ADAM10: variants seen among roughly 807,000 people sequenced by gnomAD.
The protein encoded by ADAM10 is ADAM metallopeptidase domain 10.
In ADAM10, 17 loss-of-function variants were observed where a neutral mutation model predicts 90.1. That is an observed-to-expected ratio of 0.19 (90% CI 0.13 to 0.28). The LOEUF (loss-of-function observed/expected upper bound fraction) is 0.28. ADAM10 is among the 10% of genes least tolerant of loss of function. ADAM10 has a pLI of 1.00. For missense variants in ADAM10, 610 were observed against 914.3 expected, an observed-to-expected ratio of 0.67 and a Z score of 4.29; for synonymous variants, 310 against 298.6, an observed-to-expected ratio of 1.04 and a Z score of -0.40.
chr15:58,702,080 T>C (rs557612078), intron 2 of ADAM10, among the ~76,000 whole-genome samples: 3 of 152,150 alleles, frequency 2.0e-5, no homozygotes, highest in East Asian at 1.9e-4. Flanking sequence ...CACTCCAGAC[T>C]GGGCAACAGA....
chr15:58,620,717 G>A lies in ADAM10; in HGVS notation c.1511+754C>T, dbSNP rs1204266732. Among the ~76,000 whole-genome samples, 19 of 38,348 alleles carry A rather than the reference G, an allele frequency of 5.0e-4. 4 individuals are homozygous for A. In the South Asian group the frequency reaches 8.7e-3, roughly 18 times the overall value. The allele number at this position is 38,348 out of a possible 152,430, so 25.2% of individuals were successfully genotyped here. ...CGCTCTGTCGCCCAGGCCGGACTGC[G>A]GACTGCAGTGGCGCAATCTCGGCTC... On this transcript the variant is annotated intron_variant, in intron 11 of 15. Coordinates refer to ENST00000260408, the MANE Select transcript of ADAM10 (RefSeq NM_001110.4).
At chr15:58,662,069 T>C (rs1896981336) in intron 5 of ADAM10, among the ~76,000 whole-genome samples, 3 of 152,316 alleles carry the variant, frequency 2.0e-5, no homozygotes, top group South Asian at 4.1e-4. Context: ...CTTTTCTCCT[T>C]ATTATGAATC....
rs564110861 is a variant in ADAM10, at chr15:58,598,614, G to A, written c.2153-973C>T. 2.6e-5 allele frequency among the ~76,000 whole-genome samples: 4 copies of A among 152,304 alleles called. No homozygotes were observed. The East Asian group carries it at 5.8e-4, about 22-fold the overall frequency. On this transcript the variant is annotated intron_variant, in intron 15 of 15. Coordinates refer to ENST00000260408, the MANE Select transcript of ADAM10 (RefSeq NM_001110.4). ...GACATCTTATGAGAAGTCTGAGAGC[G>A]GCAGGAGAGGGAACTGCTGTCATTT... is the stretch of plus-strand genomic sequence containing the variant.
chr15:58,600,596 T>G (rs1237535743), intron 14 of ADAM10, among the ~76,000 whole-genome samples: 1 of 152,172 alleles, frequency 6.6e-6, no homozygotes, highest in Non-Finnish European at 1.5e-5. Context: ...TCATCCCGTC[T>G]TAGAAGAAAC....
At chr15:58,623,046 T>G (rs2141010907) in intron 10 of ADAM10, among the ~76,000 whole-genome samples, 1 of 152,226 alleles carries the variant, frequency 6.6e-6, no homozygotes, top group African/African-American at 2.4e-5. Context: ...AGTTGCGAAT[T>G]GAATAAGTAG....
At chr15:58,683,111 A>T (rs1243045462) in intron 2 of ADAM10, among the ~76,000 whole-genome samples, 2 of 152,188 alleles carry the variant, frequency 1.3e-5, no homozygotes, top group Non-Finnish European at 2.9e-5. Context: ...TTTATAACGT[A>T]TATAAAGTCA....
intron 1 of ADAM10, among the ~76,000 whole-genome samples, chr15:58,737,601 G>A (rs1899473150): frequency 6.6e-6 from 1 of 152,140 alleles, no homozygotes; most frequent in Admixed American, 6.5e-5. Context: ...GAGATGCTGT[G>A]AAGACCAAGT....
rs71116584 is a variant in ADAM10 at position 58,655,652 on chromosome 15, GCATACATACATACATA to G, written c.585+9429_585+9444del. 2.5e-4 allele frequency among the ~76,000 whole-genome samples: 23 copies of G among 91,134 alleles called. 2 individuals carry two copies. The highest frequency in any genetic ancestry group is 1.0e-3 in the South Asian group (3 of 2,944). 59.8% of individuals were successfully genotyped at this position (91,134 alleles called of 152,430 possible). A position where few individuals can be genotyped will look rare whatever the true frequency, so the allele number is the denominator to read the frequency against. On this transcript the variant is annotated intron_variant, in intron 5 of 15. Coordinates refer to ENST00000260408, the MANE Select transcript of ADAM10 (RefSeq NM_001110.4). The stretch of plus-strand genomic sequence containing the variant: ...ATCCTCTTGCTGAACTGATCCCTTT[GCATACATACATACATA>G]CATACATACATATATATATTATATA...
chr15:58,704,738 T>G (rs1898231268), intron 2 of ADAM10, among the ~76,000 whole-genome samples: 1 of 152,192 alleles, frequency 6.6e-6, no homozygotes, highest in Admixed American at 6.5e-5. Context: ...CTTGCAGTTT[T>G]CAGAGCACTT....
intron 2 of ADAM10, among the ~76,000 whole-genome samples, chr15:58,707,025 GAAAAGAAAAGATAAAAAGA>G (rs1465527528): frequency 7.6e-6 from 1 of 132,008 alleles, no homozygotes; most frequent in African/African-American, 2.8e-5. Flanking sequence ...AAAAAAAAAA[GAAAAGAAAAGATAAAAAGA>G]AAAAGAAAAG....
At chr15:58,689,553 AAAAC>A (rs1897716360) in intron 2 of ADAM10, among the ~76,000 whole-genome samples, 1 of 152,192 alleles carries the variant, frequency 6.6e-6, no homozygotes, top group Non-Finnish European at 1.5e-5. Flanking sequence ...TGCTGAAAGA[AAAAC>A]AATGTCAATC....
At chr15:58,713,491 GGAGTA>G (rs1319931095) in intron 2 of ADAM10, among the ~76,000 whole-genome samples, 2 of 152,240 alleles carry the variant, frequency 1.3e-5, no homozygotes, top group Non-Finnish European at 2.9e-5. Flanking sequence ...AAGTTCACAA[GGAGTA>G]GAGGACATAT....
Position 58,595,959 on chromosome 15 carries a change from G to GT in ADAM10, c.*1587dup, listed in dbSNP as rs1894939521. The GT allele has an allele frequency of 6.6e-6, 1 of 152,014 alleles. No individual in the cohort carries two copies. Among genetic ancestry groups the GT allele is most frequent in the Non-Finnish European group, 1.5e-5 (1 of 67,966 alleles). 9.4% of individuals were successfully genotyped at this position (152,014 alleles called of 1,614,324 possible). A position where few individuals can be genotyped will look rare whatever the true frequency, so the allele number is the denominator to read the frequency against. ...GTCTCTAAATCATGTACAAAAAGCT[G>GT]TATTTTGAAAAAGTCACCACATACT... is the stretch of plus-strand genomic sequence containing the variant. On this transcript the variant is annotated 3_prime_UTR_variant, in exon 16 of 16. Coordinates refer to ENST00000260408, the MANE Select transcript of ADAM10 (RefSeq NM_001110.4).
chr15:58,672,893 TGAGGAA>T (rs1395876575), intron 4 of ADAM10: 1 of 164,036 alleles, frequency 6.1e-6, no homozygotes. Flanking sequence ...ATGAAGAGGA[TGAGGAA>T]GAGAAGAAAG....
intron 1 of ADAM10, among the ~76,000 whole-genome samples, chr15:58,724,521 G>A (rs557184912): frequency 6.6e-6 from 1 of 152,286 alleles, no homozygotes; most frequent in African/African-American, 2.4e-5. Context: ...CAGTCTCCAG[G>A]CCAAATGACA....
In ADAM10 at chr15:58,747,154, A is replaced by G. The variant is rs347123; in HGVS notation, c.55+2326T>C. Among the ~76,000 whole-genome samples the G allele has an allele frequency of 5.6e-3, 847 of 152,334 alleles. 8 individuals are homozygous for G. The highest frequency in any genetic ancestry group is 0.018 in the African/African-American group (729 of 41,574). ...TTTTGTGCTCTCAAACACACCAGTT[A>G]AATTTTAAAAATAAAATAAAAAAAC... On this transcript the variant is annotated intron_variant, in intron 1 of 15. Transcript: ENST00000260408.
chr15:58,634,079 G>C (rs1247443397), intron 8 of ADAM10, among the ~76,000 whole-genome samples: 1 of 152,062 alleles, frequency 6.6e-6, no homozygotes, highest in African/African-American at 2.4e-5. Flanking sequence ...GGGAGGCCGA[G>C]GCAGGCAGAT....
rs1894949977 is a variant in ADAM10, at chr15:58,596,356, G to C, written c.*1191C>G. ...TTACATCTGTTTCAAAAATAAATTTGGAATGGGACATTGTGCTGTTTCACC... is the reference window on the plus strand; with the variant it reads ...TTACATCTGTTTCAAAAATAAATTTCGAATGGGACATTGTGCTGTTTCACC... On this transcript the variant is annotated 3_prime_UTR_variant, in exon 16 of 16. Coordinates refer to ENST00000260408, the MANE Select transcript of ADAM10 (RefSeq NM_001110.4). The C allele has an allele frequency of 6.6e-6, 1 of 152,402 alleles. No individual in the cohort carries two copies. Among genetic ancestry groups the C allele is most frequent in the Non-Finnish European group, 1.5e-5 (1 of 67,972 alleles). The allele number at this position is 152,402 out of a possible 1,614,324, so 9.4% of individuals were successfully genotyped here. A position where few individuals can be genotyped will look rare whatever the true frequency, so the allele number is the denominator to read the frequency against.
intron 1 of ADAM10, among the ~76,000 whole-genome samples, chr15:58,728,161 G>C (rs1899103678): frequency 6.6e-6 from 1 of 152,132 alleles, no homozygotes; most frequent in Admixed American, 6.5e-5. Flanking sequence ...GACTACAGGA[G>C]AATTAAGCCA....
Sources: gnomAD v4.1 joint callset for allele counts (sites outside exome capture counted in the v4.1 genomes callset) on GRCh38, gnomAD v4.1.1 for gene constraint, MANE v1.5 for transcripts, NCBI Gene and HGNC (gene_info 2026-07-23, HGNC 2026-07-21) for gene names.